ERBB4: variants seen among roughly 807,000 people sequenced by gnomAD.
ERBB4 encodes receptor tyrosine-protein kinase erbB-4.
In ERBB4, 42 loss-of-function variants were observed where a neutral mutation model predicts 158.0. That is an observed-to-expected ratio of 0.27 (90% CI 0.21 to 0.34). The LOEUF (loss-of-function observed/expected upper bound fraction) is 0.34. Among genes scored for constraint, ERBB4 ranks in the 10% least tolerant of loss-of-function variants. The pLI, the probability that ERBB4 is intolerant of heterozygous loss-of-function variation, is 1.00. For synonymous variants in ERBB4, 583 were observed against 558.7 expected (o/e 1.04, Z -0.61); for missense variants, 1,333 against 1,624.1 (o/e 0.82, Z 3.08).
chr2:212,410,967 C>T (rs538557357), intron 1 of ERBB4, among the ~76,000 whole-genome samples: 4 of 151,840 alleles, frequency 2.6e-5, no homozygotes, highest in Non-Finnish European at 5.9e-5. Flanking sequence ...ACTAGGTAAG[C>T]AAAAGGTTTA....
Position 211,382,820 on chromosome 2 carries a change from T to TTAAAG in ERBB4, c.*790_*794dup, listed in dbSNP as rs1316030378. 1 of 232,584 alleles carries TTAAAG rather than the reference T, an allele frequency of 4.3e-6. No individual in the cohort carries two copies. The highest frequency in any genetic ancestry group is 8.5e-6 in the Non-Finnish European group (1 of 117,738). 14.4% of individuals were successfully genotyped at this position (232,584 alleles called of 1,614,324 possible). ...CTTTCTTATTTTAAAGATTGTATAC[T>TTAAAG]TAAAGTAGTGGCCATTTCACTATAT... On this transcript the variant is annotated 3_prime_UTR_variant, in exon 28 of 28. Coordinates refer to ENST00000342788, the MANE Select transcript of ERBB4 (RefSeq NM_005235.3).
At chr2:212,360,575 C>T (rs2089649619) in intron 1 of ERBB4, among the ~76,000 whole-genome samples, 1 of 151,568 alleles carries the variant, frequency 6.6e-6, no homozygotes, top group Non-Finnish European at 1.5e-5. Context: ...ATCATGGGCT[C>T]TCAGTAAATG....
intron 20 of ERBB4, among the ~76,000 whole-genome samples, chr2:211,481,379 A>G (rs1012002772): frequency 6.6e-6 from 1 of 152,192 alleles, no homozygotes; most frequent in African/African-American, 2.4e-5. Flanking sequence ...GCTATTCTGC[A>G]TTCGTTTCTG....
chr2:211,418,418 T>C (rs1290889451), intron 25 of ERBB4, among the ~76,000 whole-genome samples: 3 of 152,156 alleles, frequency 2.0e-5, no homozygotes, highest in African/African-American at 4.8e-5. Flanking sequence ...TTAATCACCA[T>C]TTCTTTTCCA....
At chr2:212,055,300 A>T (rs545875045) in intron 2 of ERBB4, among the ~76,000 whole-genome samples, 2 of 152,326 alleles carry the variant, frequency 1.3e-5, no homozygotes, top group Admixed American at 1.3e-4. Context: ...AGCGGCCAGG[A>T]AGCTCGAACT....
chr2:211,533,123 T>C (rs2066546893), intron 20 of ERBB4, among the ~76,000 whole-genome samples: 1 of 151,888 alleles, frequency 6.6e-6, no homozygotes, highest in Non-Finnish European at 1.5e-5. Context: ...TGTTACATGA[T>C]TCTCAGGTCT....
chr2:212,004,482 A>C (rs2076214355), intron 2 of ERBB4, among the ~76,000 whole-genome samples: 1 of 152,162 alleles, frequency 6.6e-6, no homozygotes, highest in Admixed American at 6.5e-5. Flanking sequence ...CTCATCTCTG[A>C]CTAATTCCCT....
intron 12 of ERBB4, among the ~76,000 whole-genome samples, chr2:211,685,664 T>C (rs911995385): frequency 3.3e-5 from 5 of 152,202 alleles, no homozygotes; most frequent in Non-Finnish European, 7.4e-5. Flanking sequence ...ACAAACCTTT[T>C]TGATATTTTG....
chr2:211,763,297 T>G lies in ERBB4; in HGVS notation c.557-12593A>C, dbSNP rs180780869. Among the ~76,000 whole-genome samples the G allele has an allele frequency of 2.7e-3, 410 of 152,322 alleles. 1 individual carries two copies. The highest frequency in any genetic ancestry group is 9.3e-3 in the African/African-American group (385 of 41,578). The stretch of plus-strand genomic sequence containing the variant: ...TGGTCTCCATGGATAGCCTGTGTTT[T>G]CATCTGGCTTCCACTTGATAGTTCC... On this transcript the variant is annotated intron_variant, in intron 4 of 27. Coordinates refer to ENST00000342788, the MANE Select transcript of ERBB4 (RefSeq NM_005235.3).
intron 27 of ERBB4, 144 bp downstream of exon 27, chr2:211,386,709 T>C: frequency 1.4e-6 from 1 of 721,922 alleles, no homozygotes; most frequent in Non-Finnish European, 2.5e-6. Flanking sequence ...TCAGGGACCA[T>C]ACTACAAGTA....
intron 20 of ERBB4, among the ~76,000 whole-genome samples, chr2:211,555,532 A>G (rs547818942): frequency 6.6e-6 from 1 of 152,338 alleles, no homozygotes; most frequent in Admixed American, 6.5e-5. Flanking sequence ...TGATGAACTA[A>G]TGGAAGAATG....
chr2:212,433,678 C>T (rs982872060), intron 1 of ERBB4, among the ~76,000 whole-genome samples: 1 of 151,952 alleles, frequency 6.6e-6, no homozygotes, highest in Non-Finnish European at 1.5e-5. Flanking sequence ...TGACTATATA[C>T]ACATCGTTGG....
chr2:211,552,709 T>A (rs2067133136), intron 20 of ERBB4, among the ~76,000 whole-genome samples: 1 of 152,182 alleles, frequency 6.6e-6, no homozygotes. Flanking sequence ...TACTCAGTAT[T>A]CAGGCTTTAC....
intron 2 of ERBB4, among the ~76,000 whole-genome samples, chr2:212,025,210 G>A (rs1050689702): frequency 1.3e-4 from 20 of 151,736 alleles, no homozygotes; most frequent in South Asian, 8.3e-4. Flanking sequence ...ATCAATTGGT[G>A]CACTTAGGAA....
chr2:212,147,819 T>C lies in ERBB4; in HGVS notation c.83-22916A>G, dbSNP rs142059534. ...ATTAACCCTCCGTGAAGAAACTGGC[T>C]TTCTAAACTGAGGTAACATAAAGTT... On this transcript the variant is annotated intron_variant, in intron 1 of 27. Transcript: ENST00000342788. Among the ~76,000 whole-genome samples, 975 of 152,284 alleles carry C rather than the reference T, an allele frequency of 6.4e-3. 3 individuals carry two copies. The highest frequency in any genetic ancestry group is 0.014 in the Middle Eastern group (4 of 294).
At chr2:211,743,847 C>G (rs73985832) in intron 5 of ERBB4, among the ~76,000 whole-genome samples, 2,217 of 152,266 alleles carry the variant, frequency 0.015, 71 homozygotes, top group African/African-American at 0.051. Context: ...CCACATGTAA[C>G]GTAGCTCTCA....
intron 13 of ERBB4, among the ~76,000 whole-genome samples, chr2:211,675,504 G>A (rs981964443): frequency 2.6e-5 from 4 of 151,902 alleles, no homozygotes; most frequent in African/African-American, 9.7e-5. Context: ...TGATGTTTCT[G>A]TGTTGTTCTT....
At chr2:212,515,808 T>A (rs1176463417) in intron 1 of ERBB4, among the ~76,000 whole-genome samples, 1 of 152,056 alleles carries the variant, frequency 6.6e-6, no homozygotes, top group African/African-American at 2.4e-5. Context: ...AAGCTTAAAT[T>A]CTTAATTTTT....
intron 4 of ERBB4, among the ~76,000 whole-genome samples, chr2:211,751,297 C>T (rs2075124277): frequency 1.3e-5 from 2 of 152,108 alleles, no homozygotes. Flanking sequence ...AAGCCTTAAT[C>T]TCCTATAGTG....
Sources: allele counts gnomAD v4.1 joint callset (sites outside exome capture counted in the v4.1 genomes callset), GRCh38; gene constraint gnomAD v4.1.1; transcripts MANE v1.5; gene names NCBI Gene and HGNC (gene_info 2026-07-23, HGNC 2026-07-21).